SYNE2: variants seen among roughly 807,000 people sequenced by gnomAD.
SYNE2 encodes the protein nesprin-2.
SYNE2 carries 431 observed loss-of-function variants against 856.3 expected under a neutral mutation model. The ratio of observed to expected loss-of-function variants is 0.50; its 90% CI spans 0.47 to 0.55. The LOEUF (loss-of-function observed/expected upper bound fraction) is 0.55. Among genes scored for constraint, SYNE2 ranks in the 20% least tolerant of loss-of-function variants. The pLI is 0.00. For synonymous variants in SYNE2, 2,923 were observed against 2,872.3 expected, an observed-to-expected ratio of 1.02 and a Z score of -0.56; for missense variants, 8,129 against 8,023.2, an observed-to-expected ratio of 1.01 and a Z score of -0.50.
rs769553105 is a variant in SYNE2 at position 64,221,616 on chromosome 14, C to T, written c.20102C>T (p.Ala6701Val). The T allele has an allele frequency of 1.9e-5, 31 of 1,614,002 alleles. No homozygotes were observed. The highest frequency in any genetic ancestry group is 1.1e-4 in the South Asian group (10 of 91,086). The change falls in exon 112 of 116, where the codon GCG becomes GTG. Residue 6701 changes from alanine (A) to valine (V), a missense_variant. Transcript: ENST00000555002. ...AGTCAAAATCTGCTGCTGTGGTTAGCGAGTGCCAAGAACCGGAGGCAGAAG... is the reference window on the plus strand; with the variant it reads ...AGTCAAAATCTGCTGCTGTGGTTAGTGAGTGCCAAGAACCGGAGGCAGAAG... ...QLSQNLLLWL[A>V]SAKNRRQKAH...
At chr14:64,082,306 A>G (rs1255955) in intron 57 of SYNE2, among the ~76,000 whole-genome samples, 139,082 of 152,130 alleles carry the variant, frequency 0.91, 63,658 homozygotes, top group Non-Finnish European at 0.94. Context: ...CTTGATTAAC[A>G]TGATTATAAG....
At chr14:64,150,585 T>G (rs914381530) in intron 84 of SYNE2, among the ~76,000 whole-genome samples, 4 of 152,200 alleles carry the variant, frequency 2.6e-5, no homozygotes, top group African/African-American at 9.7e-5. Flanking sequence ...TACTTCCTTT[T>G]GTCTGCTTTG....
At chr14:64,180,580 C>G (rs2098453222) in intron 96 of SYNE2, among the ~76,000 whole-genome samples, 1 of 151,794 alleles carries the variant, frequency 6.6e-6, no homozygotes, top group Admixed American at 6.6e-5. Context: ...TCTTGGCTCA[C>G]TGAAACCTCT....
At chr14:63,971,691 T>C (rs1256878075) in intron 11 of SYNE2, among the ~76,000 whole-genome samples, 1 of 152,050 alleles carries the variant, frequency 6.6e-6, no homozygotes, top group Admixed American at 6.6e-5. Flanking sequence ...TTTCTAGAGA[T>C]CTGAGTTTCT....
chr14:64,181,113 T>C (rs1342875166), intron 96 of SYNE2, among the ~76,000 whole-genome samples: 1 of 152,002 alleles, frequency 6.6e-6, no homozygotes, highest in African/African-American at 2.4e-5. Context: ...TTTTTTTTCC[T>C]ATTTTTCCTA....
In SYNE2 at chr14:63,940,759, A is replaced by G. The variant is rs139303990; in HGVS notation, c.141+84A>G. On this transcript the variant is annotated intron_variant, in intron 3 of 115. Coordinates refer to ENST00000555002, the MANE Select transcript of SYNE2 (RefSeq NM_182914.3). ...CTGTTTTGACCCCAAGGAGGCCATT[A>G]AAAAATGGTACTGGTGATGACAGGG... is the stretch of plus-strand genomic sequence containing the variant. 7,260 of 1,213,822 alleles carry G rather than the reference A, an allele frequency of 6.0e-3. 41 individuals are homozygous for G. Among genetic ancestry groups the G allele is most frequent in the Middle Eastern group, 0.011 (58 of 5,182 alleles). 75.2% of individuals were successfully genotyped at this position (1,213,822 alleles called of 1,614,324 possible). A position where few individuals can be genotyped will look rare whatever the true frequency, so the allele number is the denominator to read the frequency against.
chr14:63,937,628 C>A (rs2095849638), intron 2 of SYNE2, among the ~76,000 whole-genome samples: 2 of 152,270 alleles, frequency 1.3e-5, no homozygotes, highest in Middle Eastern at 3.4e-3. Context: ...AAGTTGCCAT[C>A]TGGGGACAGG....
chr14:63,973,531 C>T lies in SYNE2; in HGVS notation c.1129-3032C>T, dbSNP rs570730866. ...CCTGTAATCCCAGCAACTGGAGAGG[C>T]TGAGGCAGGAGAATTGCTTGAACCT... is the stretch of plus-strand genomic sequence containing the variant. On this transcript the variant is annotated intron_variant, in intron 11 of 115. Coordinates refer to ENST00000555002, the MANE Select transcript of SYNE2 (RefSeq NM_182914.3). Among the ~76,000 whole-genome samples, 3 of 147,204 alleles carry T rather than the reference C, an allele frequency of 2.0e-5. No individual in the cohort carries two copies. The South Asian group carries it at 6.5e-4, about 32-fold the overall frequency.
At chr14:63,924,322 A>C (rs144472957) in intron 2 of SYNE2, among the ~76,000 whole-genome samples, 1 of 152,230 alleles carries the variant, frequency 6.6e-6, no homozygotes, top group East Asian at 1.9e-4. Flanking sequence ...TCTTTTCAAC[A>C]TTGCTTTAGC....
intron 57 of SYNE2, among the ~76,000 whole-genome samples, chr14:64,086,470 G>A (rs2097562081): frequency 6.6e-6 from 1 of 152,002 alleles, no homozygotes; most frequent in Non-Finnish European, 1.5e-5. Context: ...ATTTGTTTTG[G>A]CTAAATCAAG....
At chr14:63,905,261 CT>C (rs1367353199) in intron 1 of SYNE2, among the ~76,000 whole-genome samples, 1 of 151,964 alleles carries the variant, frequency 6.6e-6, no homozygotes, top group Non-Finnish European at 1.5e-5. Flanking sequence ...TGGCTTTGTT[CT>C]TTTTTCTTAG....
chr14:64,158,336 A>C (rs2098302118), intron 85 of SYNE2, among the ~76,000 whole-genome samples: 1 of 152,136 alleles, frequency 6.6e-6, no homozygotes, highest in African/African-American at 2.4e-5. Context: ...TGCACTCACA[A>C]ATTCTAATAC....
Position 64,020,108 on chromosome 14 carries a change from T to C in SYNE2, c.5151+15T>C, listed in dbSNP as rs1175384019. 1.3e-6 allele frequency: 2 copies of C among 1,581,584 alleles called. No individual in the cohort carries two copies. The highest frequency in any genetic ancestry group is 4.5e-5 in the East Asian group (2 of 44,708). Reference sequence around the variant, plus strand: ...TTGAATTGCAGGTAAGAATTTTTATTTAAAAGTTTCAGTTATTGAGGCTTC... The same window carrying C: ...TTGAATTGCAGGTAAGAATTTTTATCTAAAAGTTTCAGTTATTGAGGCTTC... On this transcript the variant is annotated intron_variant, in intron 35 of 115. Transcript: ENST00000555002.
chr14:64,002,218 T>G (rs2096760827), intron 29 of SYNE2, 137 bp downstream of exon 29: 1 of 785,222 alleles, frequency 1.3e-6, no homozygotes, highest in Non-Finnish European at 2.0e-6. Context: ...TTCAGTAATT[T>G]AGACTTGTTT....
At chr14:63,938,340 C>T (rs1376337791) in intron 2 of SYNE2, among the ~76,000 whole-genome samples, 7 of 152,066 alleles carry the variant, frequency 4.6e-5, no homozygotes, top group African/African-American at 1.2e-4. Context: ...CCTGTAGTCC[C>T]AGCTACTTGG....
At chr14:64,015,785 G>A (rs531510974) in intron 32 of SYNE2, among the ~76,000 whole-genome samples, 19 of 151,408 alleles carry the variant, frequency 1.3e-4, no homozygotes, top group South Asian at 4.2e-4. Context: ...TTAGATTATC[G>A]ATTTCAGACT....
chr14:64,162,333 A>G, intron 88 of SYNE2, 57 bp downstream of exon 88: 1 of 1,558,510 alleles, frequency 6.4e-7, no homozygotes. Context: ...AGATGGGGTA[A>G]GGGACAGCCA....
intron 43 of SYNE2, 55 bp downstream of exon 43, chr14:64,027,848 C>T (rs2096993007): frequency 4.6e-6 from 6 of 1,290,760 alleles, no homozygotes; most frequent in South Asian, 1.2e-5. Context: ...CATAAGTATG[C>T]AAGACATATG....
chr14:63,863,105 A>G (rs903113850), intron 1 of SYNE2, among the ~76,000 whole-genome samples: 2 of 152,322 alleles, frequency 1.3e-5, no homozygotes, highest in East Asian at 3.9e-4. Flanking sequence ...GCCTTGGGGC[A>G]GATTTTTAAT....
Sources: allele counts gnomAD v4.1 joint callset (sites outside exome capture counted in the v4.1 genomes callset), GRCh38; gene constraint gnomAD v4.1.1; transcripts MANE v1.5; gene names NCBI Gene and HGNC (gene_info 2026-07-23, HGNC 2026-07-21).